AREL1: variants seen among roughly 807,000 people sequenced by gnomAD.
The protein encoded by AREL1 is apoptosis-resistant E3 ubiquitin protein ligase 1.
In AREL1, 62 loss-of-function variants were observed where a neutral mutation model predicts 99.0. That is an observed-to-expected ratio of 0.63 (90% CI 0.51 to 0.77). The LOEUF (loss-of-function observed/expected upper bound fraction) is 0.77, where lower values mean the gene tolerates loss of function less well. AREL1 is among the 30% of genes least tolerant of loss of function. The pLI is 0.00. For missense variants in AREL1, 879 were observed against 1,027.6 expected, an observed-to-expected ratio of 0.86 and a Z score of 1.98; for synonymous variants, 380 against 376.5, an observed-to-expected ratio of 1.01 and a Z score of -0.11.
chr14:74,695,136 A>G (rs1035665961), intron 1 of AREL1, among the ~76,000 whole-genome samples: 2 of 139,972 alleles, frequency 1.4e-5, no homozygotes, highest in African/African-American at 5.5e-5. Flanking sequence ...CACTGGCATG[A>G]TCTTGGCTCA....
At chr14:74,669,530 T>C (rs1020929893) in intron 15 of AREL1, 119 bp downstream of exon 15, 4 of 1,280,532 alleles carry the variant, frequency 3.1e-6, no homozygotes, top group Non-Finnish European at 4.3e-6. Flanking sequence ...ACATTTTGGG[T>C]GTTTAATAGA....
intron 1 of AREL1, among the ~76,000 whole-genome samples, chr14:74,707,445 G>A (rs540098197): frequency 3.5e-4 from 53 of 149,670 alleles, no homozygotes; most frequent in Admixed American, 3.1e-3. Context: ...GGCGGATTAC[G>A]AGGTCAGGAG....
intron 1 of AREL1, among the ~76,000 whole-genome samples, chr14:74,710,086 C>T (rs1039636390): frequency 1.3e-5 from 2 of 152,214 alleles, no homozygotes; most frequent in Non-Finnish European, 2.9e-5. Context: ...TTACTTTCTG[C>T]TCCCATCCAT....
intron 7 of AREL1, 56 bp from the exon 8 acceptor site, chr14:74,676,002 C>G (rs997325204): frequency 1.3e-6 from 2 of 1,537,034 alleles, no homozygotes; most frequent in Non-Finnish European, 1.7e-6. Context: ...AAAAAAATTA[C>G]CTATCACAGG....
At chr14:74,706,971 C>A (rs61532288) in intron 1 of AREL1, among the ~76,000 whole-genome samples, 2,431 of 152,280 alleles carry the variant, frequency 0.016, 64 homozygotes, top group African/African-American at 0.056. Context: ...TACTTATTCT[C>A]AGGGTCAATG....
At chr14:74,689,587 C>CTTTTTTT (rs1185444870) in intron 2 of AREL1, among the ~76,000 whole-genome samples, 3 of 113,710 alleles carry the variant, frequency 2.6e-5, no homozygotes, top group Admixed American at 1.0e-4. Flanking sequence ...TCTTATAGCA[C>CTTTTTTT]TTTTCTTTTT....
At chr14:74,678,448 T>G (rs746583942) in intron 5 of AREL1, 169 of 246,742 alleles carry the variant, frequency 6.8e-4, no homozygotes, top group Admixed American at 1.6e-3. Context: ...CAGTGAATCA[T>G]GATCGCACCA....
chr14:74,673,973 G>A (rs2089415289), intron 9 of AREL1, 61 bp downstream of exon 9: 4 of 1,424,956 alleles, frequency 2.8e-6, no homozygotes, highest in Non-Finnish European at 3.9e-6. Context: ...AAAAATAAAA[G>A]GCTGAGATAG....
chr14:74,680,174 T>TA (rs532762163), intron 5 of AREL1, among the ~76,000 whole-genome samples: 1,697 of 106,674 alleles, frequency 0.016, 17 homozygotes, highest in African/African-American at 0.041. Context: ...CAAGGATGTC[T>TA]AAAAAAAAAA....
intron 15 of AREL1, among the ~76,000 whole-genome samples, chr14:74,668,294 A>G (rs2089253350): frequency 6.6e-6 from 1 of 152,212 alleles, no homozygotes; most frequent in Non-Finnish European, 1.5e-5. Context: ...GCTTAAAACC[A>G]TCATCCAGGA....
intron 5 of AREL1, among the ~76,000 whole-genome samples, chr14:74,680,280 G>C (rs541139765): frequency 6.6e-6 from 1 of 152,196 alleles, no homozygotes; most frequent in East Asian, 1.9e-4. Flanking sequence ...AGGATACATA[G>C]ATGACAGACA....
At position 74,667,559 on chromosome 14, in the gene AREL1, T is replaced by A. The variant is rs774370814; in HGVS notation, c.1950A>T (p.Pro650=). 1 of 1,613,690 alleles carries A rather than the reference T, an allele frequency of 6.2e-7. No homozygotes were observed. Among genetic ancestry groups the A allele is most frequent in the South Asian group, 1.1e-5 (1 of 90,968 alleles). Residue 650 remains proline, a synonymous_variant, in exon 16 of 20, where the codon CCA becomes CCT. Coordinates refer to ENST00000356357, the MANE Select transcript of AREL1 (RefSeq NM_001039479.2). ...VELMTGGAQT[P]VTNANKIFYL... ...AGAAGATTTTATTCGCATTGGTGAC[T>A]GGAGTTTGAGCTCCACCTGTCATGA... is the stretch of plus-strand genomic sequence containing the variant.
chr14:74,672,309 A>C (rs979267381), intron 11 of AREL1, among the ~76,000 whole-genome samples: 1 of 152,226 alleles, frequency 6.6e-6, no homozygotes, highest in Non-Finnish European at 1.5e-5. Context: ...AGTAGAATCA[A>C]ATAGAAGAAC....
intron 1 of AREL1, among the ~76,000 whole-genome samples, chr14:74,698,288 C>T (rs2139965629): frequency 6.6e-6 from 1 of 152,206 alleles, no homozygotes; most frequent in South Asian, 2.1e-4. Flanking sequence ...TTTCCCCATC[C>T]TAGATATCTA....
At chr14:74,672,717 AGAGT>A in intron 11 of AREL1, 110 bp downstream of exon 11, 1 of 1,435,122 alleles carries the variant, frequency 7.0e-7, no homozygotes, top group Non-Finnish European at 9.5e-7. Context: ...CCTGGGCAAT[AGAGT>A]GAGACCCTAT....
chr14:74,670,165 T>A (rs2139868551), intron 13 of AREL1, 39 bp from the exon 14 acceptor site: 1 of 1,539,056 alleles, frequency 6.5e-7, no homozygotes, highest in South Asian at 1.3e-5. Context: ...GGGCCATTTT[T>A]CTTCAAGCCC....
rs751061016 is a variant in AREL1 at position 74,675,809 on chromosome 14, G to A, written c.970C>T (p.Arg324Cys). The A allele has an allele frequency of 1.5e-5, 25 of 1,614,186 alleles. 1 individual carries two copies. Among genetic ancestry groups the A allele is most frequent in the Middle Eastern group, 3.3e-4 (2 of 6,062 alleles). The change falls in exon 8 of 20, where the codon CGC (arginine) becomes TGC (cysteine). Residue 324 changes from arginine to cysteine, a missense_variant. By Grantham distance (180) the Arg-to-Cys change is radical (BLOSUM62 -3). Transcript: ENST00000356357. ...TCGTCAACAGCAGTGGATGGCCGGC[G>A]CTGGGAAGAGGTCATGTGCATGGGT... Reference protein sequence around the residue: ...LPPMHMTSSQRRPSTAVDEED... With the variant: ...LPPMHMTSSQCRPSTAVDEED...
At chr14:74,691,390 A>G (rs540343294) in intron 2 of AREL1, among the ~76,000 whole-genome samples, 1 of 151,648 alleles carries the variant, frequency 6.6e-6, no homozygotes, top group South Asian at 2.1e-4. Context: ...TAACCTCTAC[A>G]GTGAATCATG....
intron 1 of AREL1, among the ~76,000 whole-genome samples, chr14:74,699,086 G>A (rs1209895455): frequency 1.3e-5 from 2 of 152,110 alleles, no homozygotes; most frequent in African/African-American, 4.8e-5. Context: ...ACCATGTAGT[G>A]GTTAAGAGCA....
Sources: allele counts gnomAD v4.1 joint callset (sites outside exome capture counted in the v4.1 genomes callset), GRCh38; gene constraint gnomAD v4.1.1; transcripts MANE v1.5; gene names NCBI Gene and HGNC (gene_info 2026-07-23, HGNC 2026-07-21).